GRAMD1B: variants seen among roughly 807,000 people sequenced by gnomAD.
The protein encoded by GRAMD1B is GRAM domain containing 1B, also known as protein Aster-B.
Under a neutral mutation model 99.7 loss-of-function variants are expected in GRAMD1B, and 37 were observed. The ratio of observed to expected loss-of-function variants is 0.37; its 90% CI spans 0.29 to 0.49. The LOEUF is 0.49. Among genes scored for constraint, GRAMD1B ranks in the 20% least tolerant of loss-of-function variants. The pLI, the probability that GRAMD1B is intolerant of heterozygous loss-of-function variation, is 0.98. For missense variants in GRAMD1B, 888 were observed against 1,009.2 expected (o/e 0.88, Z 1.63); for synonymous variants, 427 against 387.6 (o/e 1.10, Z -1.19).
intron 7 of GRAMD1B, chr11:123,599,035 G>C (rs1343504651): frequency 2.5e-5 from 28 of 1,105,226 alleles, no homozygotes; most frequent in Middle Eastern, 2.5e-4. Context: ...TGGAGATCGA[G>C]GTAACGACCA....
intron 1 of GRAMD1B, among the ~76,000 whole-genome samples, chr11:123,463,764 G>A (rs548948925): frequency 6.6e-6 from 1 of 152,310 alleles, no homozygotes; most frequent in Admixed American, 6.5e-5. Context: ...TCATATAGAA[G>A]GGAAATGAAG....
intron 1 of GRAMD1B, among the ~76,000 whole-genome samples, chr11:123,477,144 T>C (rs1422609809): frequency 6.6e-6 from 1 of 151,986 alleles, no homozygotes; most frequent in African/African-American, 2.4e-5. Flanking sequence ...CACATTTCTT[T>C]CTCTTTCTTT....
intron 1 of GRAMD1B, among the ~76,000 whole-genome samples, chr11:123,382,978 G>C: frequency 6.6e-6 from 1 of 152,178 alleles, no homozygotes; most frequent in East Asian, 1.9e-4. Context: ...CAGAAGGCAA[G>C]AGAACTGGTT....
At chr11:123,395,084 C>T (rs1947414807) in intron 1 of GRAMD1B, among the ~76,000 whole-genome samples, 1 of 152,166 alleles carries the variant, frequency 6.6e-6, no homozygotes, top group Non-Finnish European at 1.5e-5. Flanking sequence ...AGCATCCCCC[C>T]TACAAGTTTA....
At position 123,433,125 on chromosome 11, in the gene GRAMD1B, G is replaced by A. The variant is rs570319705; in HGVS notation, c.374+1959G>A. Among the ~76,000 whole-genome samples the A allele has an allele frequency of 1.5e-4, 22 of 151,062 alleles. No homozygotes were observed. The East Asian group carries it at 3.5e-3, about 24-fold the overall frequency. On this transcript the variant is annotated intron_variant, in intron 1 of 19. Coordinates refer to ENST00000635736, the MANE Select transcript of GRAMD1B (RefSeq NM_001387025.1). Reference sequence around the variant, plus strand: ...TCCCAGCACTTTGGGAGGCTGAGGCGGGAGGGTCACCTGAGGTGAGGCGGG... The same window carrying A: ...TCCCAGCACTTTGGGAGGCTGAGGCAGGAGGGTCACCTGAGGTGAGGCGGG...
intron 2 of GRAMD1B, among the ~76,000 whole-genome samples, chr11:123,526,459 G>A (rs962223546): frequency 6.6e-6 from 1 of 152,332 alleles, no homozygotes; most frequent in Non-Finnish European, 1.5e-5. Context: ...CTTCGAGTAC[G>A]TGAGGAGTGG....
intron 1 of GRAMD1B, among the ~76,000 whole-genome samples, chr11:123,438,244 GAT>G (rs1401113270): frequency 6.6e-6 from 1 of 152,190 alleles, no homozygotes; most frequent in Non-Finnish European, 1.5e-5. Flanking sequence ...GAAGTTCAGA[GAT>G]TAACATTCTC....
Position 123,397,268 on chromosome 11 carries a change from C to T in GRAMD1B, c.-176+38469C>T, listed in dbSNP as rs148070712. On this transcript the variant is annotated intron_variant, in intron 1 of 20. Coordinates refer to the GRAMD1B transcript ENST00000638157. ...AAAATACAAAAAAAAGTTAGCTGGG[C>T]ATGGTGGTGGGTACCTGTAATCCCA... 6.4e-3 allele frequency among the ~76,000 whole-genome samples: 969 copies of T among 152,086 alleles called. 15 individuals carry two copies. Among genetic ancestry groups the T allele is most frequent in the African/African-American group, 0.022 (927 of 41,502 alleles).
upstream of GRAMD1B, among the ~76,000 whole-genome samples, chr11:123,426,820 T>C (rs1164565385): frequency 6.6e-6 from 1 of 152,224 alleles, no homozygotes; most frequent in Non-Finnish European, 1.5e-5. Context: ...TGGAAGCTAC[T>C]ATGTTTCACT....
At chr11:123,541,489 A>G (rs148666822) in intron 2 of GRAMD1B, among the ~76,000 whole-genome samples, 276 of 151,200 alleles carry the variant, frequency 1.8e-3, no homozygotes, top group African/African-American at 6.5e-3. Flanking sequence ...ATCATTGGTA[A>G]CATGTTATTA....
chr11:123,493,851 C>G (rs1020719054), intron 2 of GRAMD1B, among the ~76,000 whole-genome samples: 2 of 152,132 alleles, frequency 1.3e-5, no homozygotes, highest in Non-Finnish European at 2.9e-5. Flanking sequence ...AGTTCTTCCT[C>G]CCTGTTAGTG....
intron 2 of GRAMD1B, among the ~76,000 whole-genome samples, chr11:123,533,909 C>A (rs545151204): frequency 1.3e-5 from 2 of 152,348 alleles, no homozygotes; most frequent in South Asian, 4.1e-4. Context: ...TTAACTACCA[C>A]AATTACAAAG....
intron 2 of GRAMD1B, among the ~76,000 whole-genome samples, chr11:123,548,250 G>T (rs1330351889): frequency 6.9e-6 from 1 of 144,572 alleles, no homozygotes; most frequent in Non-Finnish European, 1.5e-5. Flanking sequence ...TTCCCTTCCA[G>T]TCCCCACTAG....
intron 2 of GRAMD1B, among the ~76,000 whole-genome samples, chr11:123,550,277 C>T (rs1311382203): frequency 3.3e-5 from 5 of 152,068 alleles, no homozygotes; most frequent in Non-Finnish European, 5.9e-5. Context: ...GACATGTGGG[C>T]GTGAGGATGG....
chr11:123,489,337 G>A lies in GRAMD1B; in HGVS notation c.452+8444G>A, dbSNP rs964572505. ...GAAACACTAGGCCATTGGCTACACCGTTTGAAGCTCAGGGGACAAGACTGA... is the reference window on the plus strand; with the variant it reads ...GAAACACTAGGCCATTGGCTACACCATTTGAAGCTCAGGGGACAAGACTGA... On this transcript the variant is annotated intron_variant, in intron 2 of 19. Coordinates refer to ENST00000635736, the MANE Select transcript of GRAMD1B (RefSeq NM_001387025.1). Among the ~76,000 whole-genome samples, 29 of 152,252 alleles carry A rather than the reference G, an allele frequency of 1.9e-4. 1 individual carries two copies. The highest frequency in any genetic ancestry group is 1.8e-3 in the Admixed American group (27 of 15,288).
intron 1 of GRAMD1B, among the ~76,000 whole-genome samples, chr11:123,453,507 G>A (rs549221573): frequency 6.6e-6 from 1 of 152,120 alleles, no homozygotes; most frequent in South Asian, 2.1e-4. Flanking sequence ...AGTAGAGACG[G>A]GGTTTCGCCA....
chr11:123,516,946 G>A (rs1265372431), intron 2 of GRAMD1B, among the ~76,000 whole-genome samples: 1 of 152,158 alleles, frequency 6.6e-6, no homozygotes, highest in Admixed American at 6.5e-5. Flanking sequence ...TTGAGACGGG[G>A]TCTTGCTCTG....
chr11:123,572,970 G>A (rs1198797108), intron 2 of GRAMD1B, among the ~76,000 whole-genome samples: 4 of 150,372 alleles, frequency 2.7e-5, no homozygotes, highest in African/African-American at 9.8e-5. Context: ...GGTAGACCCC[G>A]ATAGCTGAGG....
At chr11:123,385,213 C>T (rs1257520175) in intron 1 of GRAMD1B, among the ~76,000 whole-genome samples, 2 of 152,120 alleles carry the variant, frequency 1.3e-5, no homozygotes, top group East Asian at 3.8e-4. Flanking sequence ...ATTTTCCTTC[C>T]CCCAGTCCAA....
Sources: gnomAD v4.1 joint callset for allele counts (sites outside exome capture counted in the v4.1 genomes callset) on GRCh38, gnomAD v4.1.1 for gene constraint, MANE v1.5 for transcripts, NCBI Gene and HGNC (gene_info 2026-07-23, HGNC 2026-07-21) for gene names.